Variants in GLIS3 observed in about 807,000 individuals in gnomAD.
The protein encoded by GLIS3 is zinc finger protein GLIS3.
GLIS3 carries 53 observed loss-of-function variants against 78.6 expected under a neutral mutation model. That is an observed-to-expected ratio of 0.67 (90% CI 0.54 to 0.85). GLIS3 has a LOEUF of 0.85. Among genes scored for constraint, GLIS3 ranks in the 40% least tolerant of loss-of-function variants. GLIS3 has a pLI of 0.00. For missense variants in GLIS3, 1,703 were observed against 1,231.1 expected, an observed-to-expected ratio of 1.38 and a Z score of -5.74; for synonymous variants, 684 against 509.9, an observed-to-expected ratio of 1.34 and a Z score of -4.60.
chr9:4,021,377 C>G (rs933553848), intron 4 of GLIS3, among the ~76,000 whole-genome samples: 4 of 152,090 alleles, frequency 2.6e-5, no homozygotes, highest in Non-Finnish European at 4.4e-5. Flanking sequence ...TTTGCAAAAC[C>G]TATCCTAATC....
At chr9:4,379,178 G>A in the GLIS3 span, among the ~76,000 whole-genome samples, 2 of 152,030 alleles carry the variant, frequency 1.3e-5, no homozygotes, top group Non-Finnish European at 2.9e-5. Flanking sequence ...TGTACATAAG[G>A]CAGTTCTCCT....
the GLIS3 span, among the ~76,000 whole-genome samples, chr9:4,368,950 C>G: frequency 2.0e-5 from 3 of 152,048 alleles, no homozygotes; most frequent in African/African-American, 7.3e-5. Flanking sequence ...TTATGTTAAC[C>G]AAGGGCTTAA....
At chr9:4,476,724 T>C in the GLIS3 span, among the ~76,000 whole-genome samples, 1 of 152,046 alleles carries the variant, frequency 6.6e-6, no homozygotes, top group African/African-American at 2.4e-5. Flanking sequence ...ATGTGTACAT[T>C]ATAGTATTAG....
chr9:4,238,791 C>G (rs931919604), intron 2 of GLIS3, among the ~76,000 whole-genome samples: 1 of 152,110 alleles, frequency 6.6e-6, no homozygotes, highest in Admixed American at 6.5e-5. Flanking sequence ...CACTAATGTC[C>G]CAAAGCATTC....
chr9:4,427,359 T>A, the GLIS3 span, among the ~76,000 whole-genome samples: 33,088 of 152,088 alleles, frequency 0.22, 3,794 homozygotes, highest in African/African-American at 0.25. Flanking sequence ...AACTATTAGA[T>A]GCCAGACACT....
At chr9:4,252,954 C>T (rs1445912776) in intron 2 of GLIS3, among the ~76,000 whole-genome samples, 1 of 152,190 alleles carries the variant, frequency 6.6e-6, no homozygotes, top group African/African-American at 2.4e-5. Context: ...TGCAGAACAG[C>T]AAAAATTGCT....
At chr9:3,864,745 A>G (rs1409719101) in intron 8 of GLIS3, among the ~76,000 whole-genome samples, 1 of 152,210 alleles carries the variant, frequency 6.6e-6, no homozygotes, top group African/African-American at 2.4e-5. Context: ...GACTAGAGAA[A>G]TGAATGGAAG....
At chr9:4,252,420 C>T (rs547407628) in intron 2 of GLIS3, among the ~76,000 whole-genome samples, 7 of 152,038 alleles carry the variant, frequency 4.6e-5, no homozygotes, top group Non-Finnish European at 7.3e-5. Context: ...CGTGGGTATG[C>T]TTCATGAAGT....
chr9:4,060,359 T>C (rs1456905423), intron 4 of GLIS3, among the ~76,000 whole-genome samples: 1 of 152,218 alleles, frequency 6.6e-6, no homozygotes, highest in Non-Finnish European at 1.5e-5. Flanking sequence ...TCTCGTCACC[T>C]TCAGTGGTCA....
At chr9:4,459,665 T>A in the GLIS3 span, among the ~76,000 whole-genome samples, 1 of 152,128 alleles carries the variant, frequency 6.6e-6, no homozygotes, top group African/African-American at 2.4e-5. Context: ...CTTGGGAGAC[T>A]GAGGCAGAAG....
chr9:4,474,411 G>A, the GLIS3 span, among the ~76,000 whole-genome samples: 5 of 152,110 alleles, frequency 3.3e-5, no homozygotes, highest in African/African-American at 4.8e-5. Context: ...TTCAGAAACA[G>A]ACGCACACAT....
the GLIS3 span, among the ~76,000 whole-genome samples, chr9:4,462,503 T>C: frequency 6.6e-6 from 1 of 151,860 alleles, no homozygotes. Flanking sequence ...ATGCCTGTAA[T>C]CCCAGCACTT....
chr9:4,389,852 T>C, the GLIS3 span, among the ~76,000 whole-genome samples: 1 of 152,354 alleles, frequency 6.6e-6, no homozygotes, highest in East Asian at 1.9e-4. Context: ...CACTCTTCTA[T>C]TGGTTTATCC....
chr9:3,903,006 G>A (rs1823424817), intron 6 of GLIS3, among the ~76,000 whole-genome samples: 2 of 152,142 alleles, frequency 1.3e-5, no homozygotes, highest in Non-Finnish European at 2.9e-5. Context: ...TGGAGATACT[G>A]GGAAGGTAAG....
chr9:4,366,783 CCAA>C, the GLIS3 span, among the ~76,000 whole-genome samples: 1 of 152,158 alleles, frequency 6.6e-6, no homozygotes, highest in African/African-American at 2.4e-5. Context: ...ACTGAATTTA[CCAA>C]CCACCAACTG....
At chr9:4,031,721 C>A (rs1036549558) in intron 4 of GLIS3, among the ~76,000 whole-genome samples, 14 of 151,832 alleles carry the variant, frequency 9.2e-5, no homozygotes, top group African/African-American at 2.9e-4. Flanking sequence ...TCATAGGTAC[C>A]AAAGGAAAAA....
At chr9:3,916,853 G>T (rs1317796797) in intron 6 of GLIS3, among the ~76,000 whole-genome samples, 1 of 152,070 alleles carries the variant, frequency 6.6e-6, no homozygotes, top group Admixed American at 6.6e-5. Context: ...GAAAAAGCAG[G>T]TACAAATTTT....
chr9:3,935,724 T>C (rs1825866919), intron 5 of GLIS3, among the ~76,000 whole-genome samples: 2 of 151,674 alleles, frequency 1.3e-5, no homozygotes, highest in African/African-American at 4.8e-5. Flanking sequence ...CAATTTATTC[T>C]TTTTTTTTCT....
chr9:4,021,648 G>C lies in GLIS3; in HGVS notation c.1711-84459C>G, dbSNP rs113534034. On this transcript the variant is annotated intron_variant, in intron 4 of 10. Transcript: ENST00000381971. ...CCTCATTTTCAATTAATATAACATT[G>C]CACTTAACAGAATGAGGTTACTGCC... is the stretch of plus-strand genomic sequence containing the variant. Among the ~76,000 whole-genome samples, 292 of 152,152 alleles carry C rather than the reference G, an allele frequency of 1.9e-3. 2 individuals are homozygous for C. The highest frequency in any genetic ancestry group is 6.7e-3 in the African/African-American group (277 of 41,484).
Sources: allele counts gnomAD v4.1 joint callset (sites outside exome capture counted in the v4.1 genomes callset), GRCh38; gene constraint gnomAD v4.1.1; transcripts MANE v1.5; gene names NCBI Gene and HGNC (gene_info 2026-07-23, HGNC 2026-07-21).